Variants in LRRC27 observed in about 807,000 individuals in gnomAD.
LRRC27 encodes leucine-rich repeat-containing protein 27.
LRRC27 carries 57 observed loss-of-function variants against 55.0 expected under a neutral mutation model. The ratio of observed to expected loss-of-function variants is 1.04; its 90% CI spans 0.84 to 1.29. The LOEUF is 1.29. Among genes scored for constraint, LRRC27 ranks in the 50% most tolerant of loss-of-function variants. LRRC27 has a pLI of 0.00. For synonymous variants in LRRC27, 278 were observed against 251.9 expected, an observed-to-expected ratio of 1.10 and a Z score of -0.98; for missense variants, 721 against 651.5, an observed-to-expected ratio of 1.11 and a Z score of -1.16.
chr10:132,334,162 G>A (rs904829419), intron 2 of LRRC27, among the ~76,000 whole-genome samples: 4 of 152,192 alleles, frequency 2.6e-5, no homozygotes, highest in African/African-American at 4.8e-5. Context: ...GGGTCAGTCC[G>A]CAGTAGATGC....
In LRRC27 at chr10:132,359,492, C is replaced by G. The variant is rs540754630; in HGVS notation, c.1171-1965C>G. On this transcript the variant is annotated intron_variant, in intron 8 of 10. Coordinates refer to ENST00000368614, the MANE Select transcript of LRRC27 (RefSeq NM_030626.3). ...GAGAGGGCGCCACGGCCTTGGGTGG[C>G]CACTGCTGGGTGGATCCCACTGGAC... Among the ~76,000 whole-genome samples the G allele has an allele frequency of 1.3e-4, 20 of 152,358 alleles. No individual in the cohort carries two copies. The South Asian group carries it at 3.9e-3, about 30-fold the overall frequency.
intron 2 of LRRC27, among the ~76,000 whole-genome samples, chr10:132,336,608 C>T (rs2067145598): frequency 6.6e-6 from 1 of 152,184 alleles, no homozygotes; most frequent in African/African-American, 2.4e-5. Context: ...TCACAACAGC[C>T]AATCCACGCA....
chr10:132,364,750 C>T (rs2068946824), intron 9 of LRRC27, among the ~76,000 whole-genome samples: 1 of 114,638 alleles, frequency 8.7e-6, no homozygotes, highest in Non-Finnish European at 1.8e-5. Context: ...ACCTCCACGC[C>T]CACACTTACA....
intron 3 of LRRC27, among the ~76,000 whole-genome samples, chr10:132,340,943 T>C (rs1208394368): frequency 2.0e-5 from 3 of 150,860 alleles, no homozygotes; most frequent in Non-Finnish European, 4.4e-5. Context: ...GAAAGAAAAT[T>C]GTCTAAACCT....
At chr10:132,349,076 CGTGTGTGTGCCTGCATGTG>C (rs765176890) in intron 6 of LRRC27, 31 of 1,537,006 alleles carry the variant, frequency 2.0e-5, no homozygotes, top group Non-Finnish European at 2.7e-5. Flanking sequence ...CTGTGGTGTG[CGTGTGTGTGCCTGCATGTG>C]GTGTGTGTGC....
intron 10 of LRRC27, among the ~76,000 whole-genome samples, chr10:132,370,964 G>A (rs761462797): frequency 1.2e-4 from 19 of 152,236 alleles, no homozygotes; most frequent in South Asian, 6.2e-4. Flanking sequence ...AGCAAACCCC[G>A]CAGCAGCGTT....
chr10:132,364,496 C>CA (rs1564853727), intron 9 of LRRC27, among the ~76,000 whole-genome samples: 1 of 141,210 alleles, frequency 7.1e-6, no homozygotes, highest in Non-Finnish European at 1.5e-5. Context: ...CTTACACCCA[C>CA]CCTTACATCT....
chr10:132,353,657 C>T (rs1478233564), intron 7 of LRRC27, among the ~76,000 whole-genome samples: 5 of 152,314 alleles, frequency 3.3e-5, no homozygotes, highest in Non-Finnish European at 1.5e-5. Context: ...CCGGGCTGCA[C>T]CAGAAAGCCC....
intron 8 of LRRC27, among the ~76,000 whole-genome samples, chr10:132,359,360 A>G (rs1217744128): frequency 6.6e-6 from 1 of 152,202 alleles, no homozygotes; most frequent in Non-Finnish European, 1.5e-5. Flanking sequence ...AGAGACAAGC[A>G]TAAATAAATA....
intron 7 of LRRC27, among the ~76,000 whole-genome samples, chr10:132,354,413 G>C (rs2068212052): frequency 6.6e-6 from 1 of 152,190 alleles, no homozygotes; most frequent in Non-Finnish European, 1.5e-5. Flanking sequence ...GTGACACTAA[G>C]TGGAGGCCCT....
At position 132,377,044 on chromosome 10, in the gene LRRC27, C is replaced by T. The variant is rs140012290; in HGVS notation, c.*1802C>T. On this transcript the variant is annotated 3_prime_UTR_variant, in exon 11 of 11. Transcript: ENST00000368614. ...TATTTCTCTTCGCCTCTCCTTTTCA[C>T]TTCTTGCCTTCTGTGGATTTTGTCT... 2 of 152,350 alleles carry T rather than the reference C, an allele frequency of 1.3e-5. No individual in the cohort carries two copies. Among genetic ancestry groups the T allele is most frequent in the Admixed American group, 6.5e-5 (1 of 15,302 alleles). The allele number at this position is 152,350 out of a possible 1,614,324, so 9.4% of individuals were successfully genotyped here.
Position 132,372,521 on chromosome 10 carries a change from T to C in LRRC27, c.1417-2545T>C, listed in dbSNP as rs1326277828. 6.6e-6 allele frequency among the ~76,000 whole-genome samples: 1 copy of C among 152,186 alleles called. No homozygotes were observed. The highest frequency in any genetic ancestry group is 1.5e-5 in the Non-Finnish European group (1 of 68,026). On this transcript the variant is annotated intron_variant, in intron 10 of 10. Coordinates refer to ENST00000368614, the MANE Select transcript of LRRC27 (RefSeq NM_030626.3). This position sits in a 1 kb window ranked among gnomAD's most constrained non-coding sequence, Gnocchi z 4.0. ...AGGCAGAGGTTGCAGTGAGCTGAGA[T>C]GGCACCATCGCACTCCAGCCTGGGC...
chr10:132,352,915 G>T (rs776405221), intron 7 of LRRC27: 2 of 1,613,930 alleles, frequency 1.2e-6, no homozygotes, highest in East Asian at 2.2e-5. Flanking sequence ...GAGTATTCCA[G>T]GCCCTGACAC....
At chr10:132,345,022 C>T (rs537841582) in intron 5 of LRRC27, among the ~76,000 whole-genome samples, 78 of 152,304 alleles carry the variant, frequency 5.1e-4, no homozygotes, top group African/African-American at 1.3e-3. Flanking sequence ...TTATTCCTAA[C>T]GAGGTACAAG....
upstream of LRRC27, chr10:132,331,386 G>A (rs1359962180): frequency 6.4e-7 from 1 of 1,551,022 alleles, no homozygotes; most frequent in Non-Finnish European, 8.7e-7. Context: ...CCCGCCCGGT[G>A]TCATTTCATC....
chr10:132,368,680 A>AC (rs1227942562), intron 10 of LRRC27, among the ~76,000 whole-genome samples: 1 of 147,334 alleles, frequency 6.8e-6, no homozygotes, highest in African/African-American at 2.4e-5. Flanking sequence ...CCTAAACGTA[A>AC]CGTGTTACCG....
At chr10:132,351,486 C>T (rs2068006667) in intron 6 of LRRC27, 121 bp from the exon 7 acceptor site, 12 of 1,105,922 alleles carry the variant, frequency 1.1e-5, no homozygotes, top group South Asian at 2.9e-5. Flanking sequence ...AGCTTCTAGT[C>T]GTGCTAATTG....
At chr10:132,359,221 C>T (rs569921738) in intron 8 of LRRC27, among the ~76,000 whole-genome samples, 39 of 152,042 alleles carry the variant, frequency 2.6e-4, no homozygotes, top group African/African-American at 8.0e-4. Context: ...ACCAGCTGCT[C>T]GGAAGGCATC....
chr10:132,366,869 C>T, intron 10 of LRRC27: 2 of 1,284,672 alleles, frequency 1.6e-6, no homozygotes, highest in Non-Finnish European at 2.0e-6. Flanking sequence ...AGAGAGGAGG[C>T]ATGAGGGCAG....
Sources: gnomAD v4.1 joint callset for allele counts (sites outside exome capture counted in the v4.1 genomes callset) on GRCh38, gnomAD v4.1.1 for gene constraint, Gnocchi (gnomAD v3.1) non-coding constraint, MANE v1.5 for transcripts, NCBI Gene and HGNC (gene_info 2026-07-23, HGNC 2026-07-21) for gene names.